Variants in LYST observed in about 807,000 individuals in gnomAD.
The protein encoded by LYST is lysosomal-trafficking regulator.
Under a neutral mutation model 413.6 loss-of-function variants are expected in LYST, and 192 were observed. The observed-to-expected ratio is 0.46, with a 90% CI of 0.41 to 0.52. The LOEUF is 0.52. Among genes scored for constraint, LYST ranks in the 20% least tolerant of loss-of-function variants. The pLI, the probability that LYST is intolerant of heterozygous loss-of-function variation, is 0.00. For synonymous variants in LYST, 1,525 were observed against 1,567.3 expected (o/e 0.97, Z 0.64); for missense variants, 3,815 against 4,499.9 (o/e 0.85, Z 4.35).
At chr1:235,770,375 C>T (rs563814572) in intron 19 of LYST, 78 bp from the exon 20 acceptor site, 124 of 1,254,110 alleles carry the variant, frequency 9.9e-5, no homozygotes, top group African/African-American at 9.4e-4. Flanking sequence ...ACACACAACG[C>T]GCAACAATTT....
At chr1:235,824,958 T>C (rs55719023) in intron 3 of LYST, among the ~76,000 whole-genome samples, 76,210 of 151,714 alleles carry the variant, frequency 0.5, 22,653 homozygotes, top group African/African-American at 0.83. Context: ...TGGCAGAGGT[T>C]GCAGTGAGCC....
intron 1 of LYST, among the ~76,000 whole-genome samples, chr1:235,882,693 A>G (rs1681429528): frequency 1.3e-5 from 2 of 152,188 alleles, no homozygotes; most frequent in Non-Finnish European, 2.9e-5. Flanking sequence ...GATCAGAAAT[A>G]TAACAGAGGC....
chr1:235,663,228 T>C, intron 52 of LYST, 150 bp from the exon 53 acceptor site: 1 of 672,466 alleles, frequency 1.5e-6, no homozygotes, highest in Non-Finnish European at 2.7e-6. Context: ...TCATTGGTTT[T>C]GACTGTAATT....
chr1:235,864,014 T>C (rs993806493), intron 1 of LYST, among the ~76,000 whole-genome samples: 1 of 152,184 alleles, frequency 6.6e-6, no homozygotes, highest in Non-Finnish European at 1.5e-5. Context: ...CCCCAGGTAA[T>C]GTCTGATCGC....
intron 1 of LYST, among the ~76,000 whole-genome samples, chr1:235,857,826 T>G (rs1468457863): frequency 7.0e-6 from 1 of 142,562 alleles, no homozygotes; most frequent in African/African-American, 2.7e-5. Context: ...GAAGAGAGGG[T>G]TAAGAAATGA....
intron 30 of LYST, 43 bp from the exon 31 acceptor site, chr1:235,741,671 T>C (rs1261504875): frequency 7.2e-7 from 1 of 1,383,490 alleles, no homozygotes. Flanking sequence ...TCAGACTGCT[T>C]AAGCAATACC....
chr1:235,770,401 T>C (rs1437581343), intron 19 of LYST, 104 bp from the exon 20 acceptor site: 1 of 1,030,168 alleles, frequency 9.7e-7, no homozygotes, highest in South Asian at 1.3e-5. Flanking sequence ...TGTGTATATA[T>C]TCAGTATCAA....
intron 1 of LYST, among the ~76,000 whole-genome samples, chr1:235,881,061 T>C (rs555881649): frequency 1.3e-5 from 2 of 152,284 alleles, no homozygotes; most frequent in South Asian, 4.1e-4. Flanking sequence ...ATTAAGTGAC[T>C]TGCTGTACGT....
At chr1:235,680,800 T>G (rs1659753294) in intron 48 of LYST, among the ~76,000 whole-genome samples, 1 of 152,022 alleles carries the variant, frequency 6.6e-6, no homozygotes, top group East Asian at 1.9e-4. Flanking sequence ...GGTTTCCCCA[T>G]GTTGGCCAGG....
rs149168374 is a variant in LYST, at chr1:235,805,481, T to C, written c.3393+262A>G. Among the ~76,000 whole-genome samples the C allele has an allele frequency of 1.1e-4, 16 of 152,168 alleles. No homozygotes were observed. In the East Asian group the frequency reaches 3.1e-3, roughly 29 times the overall value. On this transcript the variant is annotated intron_variant, in intron 6 of 52. Transcript: ENST00000389793. ...GGCAGCCAACAGTATCACACAAAAA[T>C]TTAGATCTTTCAACTTTGAAACACA...
At position 235,854,039 on chromosome 1, in the gene LYST, T is replaced by G. The variant is rs1318958563; in HGVS notation, c.-98+12804A>C. ...AATCATCTCCCCGGCTTTCTATCCC[T>G]GTTAGAAGGAATGTGCTAGATGTTT... On this transcript the variant is annotated intron_variant, in intron 1 of 52. Coordinates refer to ENST00000389793, the MANE Select transcript of LYST (RefSeq NM_000081.4). This position sits in a 1 kb window ranked among gnomAD's most constrained non-coding sequence, Gnocchi z 4.1. 1.3e-5 allele frequency among the ~76,000 whole-genome samples: 2 copies of G among 152,180 alleles called. No homozygotes were observed. Among genetic ancestry groups the G allele is most frequent in the Non-Finnish European group, 2.9e-5 (2 of 68,034 alleles).
At chr1:235,770,062 A>G (rs940437269) in intron 20 of LYST, 98 bp downstream of exon 20, 19 of 1,130,496 alleles carry the variant, frequency 1.7e-5, no homozygotes, top group Non-Finnish European at 2.4e-5. Flanking sequence ...AAAAAAAGAA[A>G]AAAAGTCCCA....
intron 40 of LYST, among the ~76,000 whole-genome samples, chr1:235,717,141 T>A (rs745947151): frequency 4.7e-4 from 71 of 152,308 alleles, no homozygotes; most frequent in Non-Finnish European, 8.2e-4. Flanking sequence ...AGTGTCCCAT[T>A]TTCCAGACTC....
intron 11 of LYST, 80 bp downstream of exon 11, chr1:235,793,419 CTAAA>C: frequency 1.4e-6 from 1 of 695,806 alleles, no homozygotes; most frequent in Non-Finnish European, 2.5e-6. Flanking sequence ...AGTAACATTT[CTAAA>C]TAATTAAAAA....
At chr1:235,794,084 C>T (rs57317475) in intron 10 of LYST, among the ~76,000 whole-genome samples, 7,098 of 152,136 alleles carry the variant, frequency 0.047, 574 homozygotes, top group African/African-American at 0.16. Context: ...CCACCTGCCT[C>T]GGCCTCCCAA....
At chr1:235,757,032 T>C (rs1667114189) in intron 24 of LYST, among the ~76,000 whole-genome samples, 1 of 152,038 alleles carries the variant, frequency 6.6e-6, no homozygotes, top group Non-Finnish European at 1.5e-5. Flanking sequence ...AACCAACATA[T>C]GGAGGGGGAC....
At chr1:235,762,197 T>C (rs550746898) in intron 22 of LYST, among the ~76,000 whole-genome samples, 81 of 152,266 alleles carry the variant, frequency 5.3e-4, no homozygotes, top group Non-Finnish European at 1.0e-3. Flanking sequence ...TTTGAAAATG[T>C]TTCAGAGTGA....
chr1:235,823,789 T>C (rs1045807358), intron 3 of LYST, among the ~76,000 whole-genome samples: 1 of 152,256 alleles, frequency 6.6e-6, no homozygotes, highest in Non-Finnish European at 1.5e-5. Context: ...GGGATGTCAA[T>C]ATCTAAGAAG....
chr1:235,710,616 C>A (rs1572046599), intron 43 of LYST, among the ~76,000 whole-genome samples: 3 of 152,184 alleles, frequency 2.0e-5, no homozygotes, highest in African/African-American at 7.2e-5. Context: ...GCTATAACAG[C>A]ATTTCCTGTC....
Sources: gnomAD v4.1 joint callset for allele counts (sites outside exome capture counted in the v4.1 genomes callset) on GRCh38, gnomAD v4.1.1 for gene constraint, Gnocchi (gnomAD v3.1) non-coding constraint, MANE v1.5 for transcripts, NCBI Gene and HGNC (gene_info 2026-07-23, HGNC 2026-07-21) for gene names.